The following LMX1B variants were observed in gnomAD, a reference collection of about 807,000 sequenced individuals.
The protein encoded by LMX1B is LIM homeobox transcription factor 1-beta.
LMX1B carries 12 observed loss-of-function variants against 51.4 expected under a neutral mutation model. That is an observed-to-expected ratio of 0.23 (90% CI 0.15 to 0.38). The LOEUF (loss-of-function observed/expected upper bound fraction) is 0.38, where lower values mean the gene tolerates loss of function less well. LMX1B is among the 10% of genes least tolerant of loss of function. The pLI is 1.00. For missense variants in LMX1B, 445 were observed against 571.1 expected (o/e 0.78, Z 2.25); for synonymous variants, 237 against 235.4 (o/e 1.01, Z -0.06).
intron 2 of LMX1B, among the ~76,000 whole-genome samples, chr9:126,661,975 C>T (rs1218969457): frequency 6.6e-6 from 1 of 152,188 alleles, no homozygotes; most frequent in African/African-American, 2.4e-5. Flanking sequence ...GGAGGCGGAA[C>T]TGCAGCAGGA....
intron 2 of LMX1B, among the ~76,000 whole-genome samples, chr9:126,637,998 C>T (rs924812611): frequency 2.6e-5 from 4 of 152,104 alleles, no homozygotes; most frequent in African/African-American, 7.2e-5. Flanking sequence ...CCACTCCTCC[C>T]GCTCCGCAGC....
chr9:126,674,383 G>A (rs936476558), intron 2 of LMX1B, among the ~76,000 whole-genome samples: 2 of 149,784 alleles, frequency 1.3e-5, no homozygotes, highest in Admixed American at 6.6e-5. Context: ...GTGGGGTGGA[G>A]GAGGCTGGGG....
chr9:126,623,677 TC>T (rs1313548262), intron 2 of LMX1B, among the ~76,000 whole-genome samples: 1 of 151,876 alleles, frequency 6.6e-6, no homozygotes, highest in Non-Finnish European at 1.5e-5. Flanking sequence ...GTTGCTAATC[TC>T]CCCCAGAACG....
At position 126,625,938 on chromosome 9, in the gene LMX1B, G is replaced by T. The variant is rs1835519485; in HGVS notation, c.326+10369G>T. 6.6e-6 allele frequency among the ~76,000 whole-genome samples: 1 copy of T among 152,202 alleles called. No individual in the cohort carries two copies. The highest frequency in any genetic ancestry group is 2.4e-5 in the African/African-American group (1 of 41,456). ...GGGGAGCCGCGGGCGTCGGAGAAGC[G>T]GCCGCGCTGTTCCGGGTCACTGCAC... On this transcript the variant is annotated intron_variant, in intron 2 of 7. Transcript: ENST00000373474. The surrounding 1 kb of genome is among the most constrained non-coding windows in gnomAD (Gnocchi z 5.3).
At chr9:126,687,726 AGAAGAAAAATTACTTGCCCG>A (rs758958197) in intron 2 of LMX1B, among the ~76,000 whole-genome samples, 42 of 152,194 alleles carry the variant, frequency 2.8e-4, no homozygotes, top group Non-Finnish European at 5.0e-4. Flanking sequence ...CTGAGGCTCG[AGAAGAAAAATTACTTGCCCG>A]GTCACCAGCT....
At chr9:126,688,850 A>G (rs1238994200) in intron 2 of LMX1B, among the ~76,000 whole-genome samples, 1 of 152,144 alleles carries the variant, frequency 6.6e-6, no homozygotes, top group Non-Finnish European at 1.5e-5. Context: ...ACACTCACGG[A>G]GGCCCCCTTG....
At chr9:126,693,370 C>T in intron 4 of LMX1B, 47 bp downstream of exon 4, 1 of 1,570,342 alleles carries the variant, frequency 6.4e-7, no homozygotes, top group Non-Finnish European at 8.7e-7. Context: ...CCCGCACACC[C>T]ACTGCCTTTC....
chr9:126,638,127 G>A (rs1835746766), intron 2 of LMX1B, among the ~76,000 whole-genome samples: 1 of 152,168 alleles, frequency 6.6e-6, no homozygotes. Flanking sequence ...CAGTTCCAGG[G>A]CAGGGGGCAG....
Position 126,682,084 on chromosome 9 carries a change from T to C in LMX1B, c.327-8752T>C, listed in dbSNP as rs1362297090. ...TTGCAGATACTTGGTCCCCAGGGTC[T>C]TTTTTTTTTTTTTTTTTTTTTTTTA... On this transcript the variant is annotated intron_variant, in intron 2 of 7. Transcript: ENST00000373474. 2.7e-3 allele frequency among the ~76,000 whole-genome samples: 253 copies of C among 92,290 alleles called. 2 individuals carry two copies. The highest frequency in any genetic ancestry group is 9.2e-3 in the African/African-American group (237 of 25,784). 60.5% of individuals were successfully genotyped at this position (92,290 alleles called of 152,430 possible). A position where few individuals can be genotyped will look rare whatever the true frequency, so the allele number is the denominator to read the frequency against.
intron 3 of LMX1B, among the ~76,000 whole-genome samples, chr9:126,691,550 A>G (rs1363872975): frequency 6.6e-6 from 1 of 152,150 alleles, no homozygotes; most frequent in Non-Finnish European, 1.5e-5. Context: ...GTTTGTCCAC[A>G]TGCTCACATG....
intron 2 of LMX1B, among the ~76,000 whole-genome samples, chr9:126,678,867 TA>T (rs1463251220): frequency 6.6e-6 from 1 of 152,152 alleles, no homozygotes; most frequent in Admixed American, 6.5e-5. Flanking sequence ...AAAATTGATT[TA>T]AAAAAATGCT....
At position 126,626,098 on chromosome 9, in the gene LMX1B, G is replaced by A. The variant is rs1177378198; in HGVS notation, c.326+10529G>A. Among the ~76,000 whole-genome samples the A allele has an allele frequency of 6.6e-6, 1 of 152,246 alleles. No individual in the cohort carries two copies. The highest frequency in any genetic ancestry group is 2.4e-5 in the African/African-American group (1 of 41,474). On this transcript the variant is annotated intron_variant, in intron 2 of 7. Transcript: ENST00000373474. The surrounding 1 kb of genome is among the most constrained non-coding windows in gnomAD (Gnocchi z 4.3). ...TTCAGCCCAAAGGCTCCAGTCAGTG[G>A]AACCGGAGGGGGACTTCGGAGGAAT...
At chr9:126,694,911 G>A (rs1484197021) in intron 6 of LMX1B, among the ~76,000 whole-genome samples, 2 of 152,014 alleles carry the variant, frequency 1.3e-5, no homozygotes, top group African/African-American at 2.4e-5. Flanking sequence ...AACCCATGCC[G>A]TATGCTCCAT....
At chr9:126,696,039 C>T (rs1722056009) in intron 7 of LMX1B, 36 bp downstream of exon 7, 2 of 1,391,292 alleles carry the variant, frequency 1.4e-6, no homozygotes, top group Non-Finnish European at 1.9e-6. Context: ...CGCCCCAGCA[C>T]AGCCCCTGCC....
chr9:126,683,158 G>A (rs1207273372), intron 2 of LMX1B, among the ~76,000 whole-genome samples: 1 of 150,964 alleles, frequency 6.6e-6, no homozygotes, highest in African/African-American at 2.4e-5. Flanking sequence ...CTGCAGGCCC[G>A]GCCCCGACGC....
Position 126,696,016 on chromosome 9 carries a change from A to ACGGGGCCC in LMX1B, c.1051+14_1051+15insGGGGCCCC. On this transcript the variant is annotated intron_variant, in intron 7 of 7. Coordinates refer to ENST00000373474, the MANE Select transcript of LMX1B (RefSeq NM_001174147.2). ...ATGAACCCCTATGGTAAGCCGCCCTACCCCCACCCGCCCGCCCCAGCACAG... is the reference window on the plus strand; with the variant it reads ...ATGAACCCCTATGGTAAGCCGCCCTACGGGGCCCCCCCCACCCGCCCGCCCCAGCACAG... 1 of 1,512,702 alleles carries ACGGGGCCC rather than the reference A, an allele frequency of 6.6e-7. No homozygotes were observed. Among genetic ancestry groups the ACGGGGCCC allele is most frequent in the Non-Finnish European group, 8.8e-7 (1 of 1,131,798 alleles). The allele number at this position is 1,512,702 out of a possible 1,614,324, so 93.7% of individuals were successfully genotyped here.
In LMX1B at chr9:126,695,811, A is replaced by G. The variant is rs2118997000; in HGVS notation, c.887-28A>G. On this transcript the variant is annotated intron_variant, in intron 6 of 7. Transcript: ENST00000373474. The surrounding 1 kb of genome is among the most constrained non-coding windows in gnomAD (Gnocchi z 5.2). Reference sequence around the variant, plus strand: ...TAGCTGGGAGGGCGTGGACCAGGCCAGGGGGTGAAGGCTCACTGTGCCCCC... The same window carrying G: ...TAGCTGGGAGGGCGTGGACCAGGCCGGGGGGTGAAGGCTCACTGTGCCCCC... The G allele has an allele frequency of 1.2e-6, 2 of 1,611,294 alleles. No individual in the cohort carries two copies. Among genetic ancestry groups the G allele is most frequent in the South Asian group, 2.2e-5 (2 of 90,922 alleles).
At position 126,621,759 on chromosome 9, in the gene LMX1B, C is replaced by T. The variant is rs906210718; in HGVS notation, c.326+6190C>T. On this transcript the variant is annotated intron_variant, in intron 2 of 7. Coordinates refer to ENST00000373474, the MANE Select transcript of LMX1B (RefSeq NM_001174147.2). ...TCAAGTCTCCTGAAGCATCCATCTT[C>T]TCTCAGAAAAATGTTTCAAAGTTTG... 2.0e-5 allele frequency among the ~76,000 whole-genome samples: 3 copies of T among 147,280 alleles called. No homozygotes were observed. The South Asian group carries it at 6.5e-4, about 32-fold the overall frequency.
intron 2 of LMX1B, among the ~76,000 whole-genome samples, chr9:126,674,390 G>A (rs918240473): frequency 3.4e-5 from 4 of 119,378 alleles, no homozygotes; most frequent in African/African-American, 1.3e-4. Flanking sequence ...GGAGGAGGCT[G>A]GGGGGGCATT....
Sources: gnomAD v4.1 joint callset for allele counts (sites outside exome capture counted in the v4.1 genomes callset) on GRCh38, gnomAD v4.1.1 for gene constraint, Gnocchi (gnomAD v3.1) non-coding constraint, MANE v1.5 for transcripts, NCBI Gene and HGNC (gene_info 2026-07-23, HGNC 2026-07-21) for gene names.